DAAM2: variants seen among roughly 807,000 people sequenced by gnomAD.
DAAM2 encodes disheveled-associated activator of morphogenesis 2.
A neutral mutation model predicts 120.7 loss-of-function variants in DAAM2; 39 were observed. The ratio of observed to expected loss-of-function variants is 0.32; its 90% CI spans 0.25 to 0.42. DAAM2 has a LOEUF of 0.42. Ranked by LOEUF, DAAM2 falls within the 10% of genes least tolerant of loss-of-function variation. The probability of loss-of-function intolerance (pLI) is 1.00; values close to 1 mark genes in which losing one functional copy is unlikely to be tolerated. For missense variants in DAAM2, 1,283 were observed against 1,401.7 expected, an observed-to-expected ratio of 0.92 and a Z score of 1.35; for synonymous variants, 488 against 524.9, an observed-to-expected ratio of 0.93 and a Z score of 0.96.
At position 39,806,792 on chromosome 6, in the gene DAAM2, C is replaced by T. The variant is rs76891732; in HGVS notation, c.-57+14327C>T. On this transcript the variant is annotated intron_variant, in intron 1 of 24. Coordinates refer to ENST00000274867, the MANE Select transcript of DAAM2 (RefSeq NM_001201427.2). ...AACCTGACTTGGAATCAGGGAAATACATAAATTAAAATCACAAGGAGACTC... is the reference window on the plus strand; with the variant it reads ...AACCTGACTTGGAATCAGGGAAATATATAAATTAAAATCACAAGGAGACTC... 8.2e-3 allele frequency among the ~76,000 whole-genome samples: 996 copies of T among 120,846 alleles called. 5 individuals are homozygous for T. Among genetic ancestry groups the T allele is most frequent in the African/African-American group, 0.027 (907 of 33,446 alleles). The allele number at this position is 120,846 out of a possible 152,430, so 79.3% of individuals were successfully genotyped here. A position where few individuals can be genotyped will look rare whatever the true frequency, so the allele number is the denominator to read the frequency against.
Position 39,869,144 on chromosome 6 carries a change from G to C in DAAM2, c.873+211G>C, listed in dbSNP as rs572529059. Among the ~76,000 whole-genome samples the C allele has an allele frequency of 5.2e-4, 79 of 152,184 alleles. 1 individual carries two copies. In the Middle Eastern group the frequency reaches 0.014, roughly 26 times the overall value. On this transcript the variant is annotated intron_variant, in intron 7 of 24. Transcript: ENST00000274867. ...TCAGGGTGGCAGAGAATCATTGGTG[G>C]GAGGAGGGCGAGTTTGGGCCCTTGT...
At chr6:39,821,147 T>C (rs924281260) in intron 1 of DAAM2, 4 of 152,272 alleles carry the variant, frequency 2.6e-5, no homozygotes, top group Admixed American at 1.3e-4. Context: ...CCTCGGGCTC[T>C]TGGGGCAGGC....
intron 5 of DAAM2, chr6:39,867,206 G>A (rs1764466831): frequency 1.1e-5 from 4 of 357,882 alleles, no homozygotes; most frequent in Non-Finnish European, 1.0e-5. Context: ...CACTGGAGAG[G>A]AGTGTTCAGG....
chr6:39,852,747 C>T (rs1763854523), intron 1 of DAAM2, among the ~76,000 whole-genome samples: 2 of 152,306 alleles, frequency 1.3e-5, no homozygotes, highest in South Asian at 4.1e-4. Context: ...TACTCATGGG[C>T]ACTAGCTGAG....
chr6:39,815,002 T>A (rs1021609864), intron 1 of DAAM2, among the ~76,000 whole-genome samples: 2 of 152,230 alleles, frequency 1.3e-5, no homozygotes, highest in Non-Finnish European at 2.9e-5. Flanking sequence ...TGAATCTCAC[T>A]GCCACAAACA....
chr6:39,857,787 C>T (rs555301163), intron 2 of DAAM2, among the ~76,000 whole-genome samples: 1 of 152,134 alleles, frequency 6.6e-6, no homozygotes, highest in East Asian at 1.9e-4. Flanking sequence ...AACAAGTGAA[C>T]AATATTTCTT....
intron 1 of DAAM2, among the ~76,000 whole-genome samples, chr6:39,809,270 G>A (rs1056516949): frequency 6.6e-6 from 1 of 152,180 alleles, no homozygotes; most frequent in African/African-American, 2.4e-5. Context: ...TAATGGGGGA[G>A]TGGGCACTCT....
intron 1 of DAAM2, among the ~76,000 whole-genome samples, chr6:39,834,804 A>G (rs1763044538): frequency 6.6e-6 from 1 of 152,170 alleles, no homozygotes; most frequent in Non-Finnish European, 1.5e-5. Flanking sequence ...TCTGAGATGG[A>G]GGGCAGGGCA....
chr6:39,805,220 C>T (rs1037546370), intron 1 of DAAM2, among the ~76,000 whole-genome samples: 2 of 152,206 alleles, frequency 1.3e-5, no homozygotes, highest in Admixed American at 6.5e-5. Context: ...AGTGCAGATT[C>T]CGGGAGTCAA....
chr6:39,901,441 A>C lies in DAAM2; in HGVS notation c.2951A>C (p.Glu984Ala). The C allele has an allele frequency of 6.2e-7, 1 of 1,612,298 alleles. No individual in the cohort carries two copies. Among genetic ancestry groups the C allele is most frequent in the South Asian group, 1.1e-5 (1 of 91,044 alleles). ...DLEAMRRRKE[E>A]EERRARMEAM... ...GAGGCCATGAGGAGGAGGAAGGAGG[A>C]GGAGGAGCGGCGGGCGCGCATGGAA... The change falls in exon 24 of 25, where the codon GAG becomes GCG. Residue 984 changes from glutamate (E) to alanine (A), a missense_variant. This residue lies in a region of DAAM2 where 748 missense variants were observed against 768.6 expected (regional missense o/e 0.97). Transcript: ENST00000274867. The surrounding 1 kb of genome is among the most constrained non-coding windows in gnomAD (Gnocchi z 4.5).
At chr6:39,843,594 T>A (rs1763439349) in intron 1 of DAAM2, among the ~76,000 whole-genome samples, 1 of 152,198 alleles carries the variant, frequency 6.6e-6, no homozygotes, top group Non-Finnish European at 1.5e-5. Flanking sequence ...AATGCAGGAC[T>A]CCTTGTTCAA....
chr6:39,902,682 C>T lies in DAAM2; in HGVS notation c.*645C>T, dbSNP rs1392476991. 1 of 152,372 alleles carries T rather than the reference C, an allele frequency of 6.6e-6. No individual in the cohort carries two copies. Among genetic ancestry groups the T allele is most frequent in the Non-Finnish European group, 1.5e-5 (1 of 68,178 alleles). The allele number at this position is 152,372 out of a possible 1,614,324, so 9.4% of individuals were successfully genotyped here. A position where few individuals can be genotyped will look rare whatever the true frequency, so the allele number is the denominator to read the frequency against. On this transcript the variant is annotated 3_prime_UTR_variant, in exon 25 of 25. Transcript: ENST00000274867. ...GTCTGTTTCCCATGTCACAAGTCCTCTGGCCTCTCCCTGCATGTCTTAAGT... is the reference window on the plus strand; with the variant it reads ...GTCTGTTTCCCATGTCACAAGTCCTTTGGCCTCTCCCTGCATGTCTTAAGT...
intron 1 of DAAM2, chr6:39,822,670 C>G (rs1762528730): frequency 6.6e-6 from 1 of 152,200 alleles, no homozygotes; most frequent in African/African-American, 2.4e-5. Flanking sequence ...AACTAAGGCT[C>G]AGAGATTAAG....
At chr6:39,845,990 G>C (rs765613303) in intron 1 of DAAM2, among the ~76,000 whole-genome samples, 2 of 151,216 alleles carry the variant, frequency 1.3e-5, no homozygotes, top group Non-Finnish European at 2.9e-5. Context: ...AAATGAGAGA[G>C]GTTGGCCCTG....
chr6:39,869,082 G>T (rs773564213), intron 7 of DAAM2, 149 bp downstream of exon 7: 86 of 650,692 alleles, frequency 1.3e-4, no homozygotes, highest in Non-Finnish European at 2.2e-4. Context: ...CATCATGCAC[G>T]GTGGACAGAC....
intron 1 of DAAM2, among the ~76,000 whole-genome samples, chr6:39,825,381 GT>G (rs1200284353): frequency 1.0e-4 from 12 of 119,312 alleles, no homozygotes; most frequent in African/African-American, 4.0e-4. Flanking sequence ...GAGCAAGACT[GT>G]TTAAAACAAA....
At chr6:39,840,741 C>T (rs1321982841) in intron 1 of DAAM2, among the ~76,000 whole-genome samples, 2 of 152,148 alleles carry the variant, frequency 1.3e-5, no homozygotes, top group South Asian at 2.1e-4. Context: ...GGTCTATCTA[C>T]TATGTGCCAG....
chr6:39,867,950 A>C, intron 6 of DAAM2, 107 bp downstream of exon 6: 1 of 1,022,404 alleles, frequency 9.8e-7, no homozygotes, highest in South Asian at 1.6e-5. Context: ...GGAAAAGGAA[A>C]GTAATGTGGT....
intron 1 of DAAM2, chr6:39,821,499 T>G (rs1312242075): frequency 6.6e-6 from 1 of 152,390 alleles, no homozygotes; most frequent in South Asian, 2.1e-4. Context: ...CCGCGTTACA[T>G]CCTCTTCCTT....
Sources: allele counts gnomAD v4.1 joint callset (sites outside exome capture counted in the v4.1 genomes callset), GRCh38; gene constraint gnomAD v4.1.1; regional missense constraint gnomAD v4.1.1; non-coding constraint Gnocchi (gnomAD v3.1); transcripts MANE v1.5; gene names NCBI Gene and HGNC (gene_info 2026-07-23, HGNC 2026-07-21).